CTNND2: variants seen among roughly 807,000 people sequenced by gnomAD.
CTNND2 encodes the protein catenin delta-2.
In CTNND2, 22 loss-of-function variants were observed where a neutral mutation model predicts 144.4. The ratio of observed to expected loss-of-function variants is 0.15; its 90% CI spans 0.11 to 0.22. The LOEUF (loss-of-function observed/expected upper bound fraction) is 0.22. Ranked by LOEUF, CTNND2 falls within the 10% of genes least tolerant of loss-of-function variation. The pLI is 1.00. For synonymous variants in CTNND2, 751 were observed against 695.6 expected (o/e 1.08, Z -1.25); for missense variants, 1,353 against 1,618.8 (o/e 0.84, Z 2.82).
intron 16 of CTNND2, among the ~76,000 whole-genome samples, chr5:11,066,020 C>G (rs1399372750): frequency 6.7e-6 from 1 of 149,950 alleles, no homozygotes; most frequent in East Asian, 2.0e-4. Flanking sequence ...TTCAAAAGAA[C>G]CTTGGTCTCC....
intron 7 of CTNND2, among the ~76,000 whole-genome samples, chr5:11,379,290 C>A (rs573018015): frequency 9.9e-5 from 15 of 152,252 alleles, no homozygotes; most frequent in Admixed American, 4.6e-4. Context: ...TGCATTTCTA[C>A]ATCCTTCGTG....
At chr5:11,062,403 A>C (rs1747097025) in intron 16 of CTNND2, among the ~76,000 whole-genome samples, 1 of 152,212 alleles carries the variant, frequency 6.6e-6, no homozygotes, top group Non-Finnish European at 1.5e-5. Context: ...ATCTAGCATA[A>C]AATTCTCACT....
chr5:11,323,303 G>T (rs1206512493), intron 9 of CTNND2, among the ~76,000 whole-genome samples: 1 of 151,304 alleles, frequency 6.6e-6, no homozygotes, highest in African/African-American at 2.4e-5. Flanking sequence ...TCCTGCCTTA[G>T]CCTCCTGAGT....
chr5:11,483,235 A>G (rs1768453886), intron 3 of CTNND2, among the ~76,000 whole-genome samples: 1 of 152,104 alleles, frequency 6.6e-6, no homozygotes, highest in African/African-American at 2.4e-5. Flanking sequence ...CAAAGATAAT[A>G]CCTGATTTTC....
chr5:11,567,915 A>G (rs927664352), intron 2 of CTNND2, among the ~76,000 whole-genome samples: 2 of 152,214 alleles, frequency 1.3e-5, no homozygotes, highest in Non-Finnish European at 2.9e-5. Context: ...GTATTCCTAT[A>G]ATTGTCTTCA....
intron 2 of CTNND2, among the ~76,000 whole-genome samples, chr5:11,611,795 AG>A (rs1780341657): frequency 6.6e-6 from 1 of 152,100 alleles, no homozygotes; most frequent in South Asian, 2.1e-4. Flanking sequence ...AAAAAATAAA[AG>A]TTTTTTCTTG....
chr5:11,315,723 T>C (rs187893839), intron 9 of CTNND2, among the ~76,000 whole-genome samples: 205 of 152,360 alleles, frequency 1.3e-3, no homozygotes, highest in African/African-American at 4.6e-3. Flanking sequence ...TTTCAGTGTT[T>C]CATTTCAGTG....
At chr5:11,764,662 G>A (rs1182267213) in intron 1 of CTNND2, among the ~76,000 whole-genome samples, 1 of 152,068 alleles carries the variant, frequency 6.6e-6, no homozygotes, top group African/African-American at 2.4e-5. Context: ...GCAAATCAGT[G>A]GTTTCTTCAA....
intron 2 of CTNND2, among the ~76,000 whole-genome samples, chr5:11,606,055 C>T (rs570757741): frequency 2.4e-4 from 36 of 152,022 alleles, no homozygotes; most frequent in African/African-American, 8.0e-4. Flanking sequence ...AGGCAAGAGA[C>T]GAGACAGAAT....
intron 2 of CTNND2, among the ~76,000 whole-genome samples, chr5:11,680,296 C>T (rs1157651751): frequency 1.3e-5 from 2 of 152,140 alleles, no homozygotes; most frequent in African/African-American, 4.8e-5. Flanking sequence ...ATCCCTAGAG[C>T]AGTGGTTTCC....
chr5:11,141,686 T>G (rs1454946733), intron 12 of CTNND2, among the ~76,000 whole-genome samples: 1 of 152,244 alleles, frequency 6.6e-6, no homozygotes, highest in Non-Finnish European at 1.5e-5. Flanking sequence ...CAGCTGTGTC[T>G]GCACTCAGGA....
chr5:11,245,947 T>C (rs1014959975), intron 9 of CTNND2, among the ~76,000 whole-genome samples: 4 of 152,186 alleles, frequency 2.6e-5, no homozygotes, highest in African/African-American at 9.7e-5. Context: ...CATCTAAGAG[T>C]TGGAAATGCA....
intron 8 of CTNND2, among the ~76,000 whole-genome samples, chr5:11,348,437 C>CAAAAAAAAAAAAAAA (rs3034056): frequency 9.6e-5 from 11 of 114,714 alleles, no homozygotes; most frequent in Non-Finnish European, 1.4e-4. Flanking sequence ...AAATCAAGGG[C>CAAAAAAAAAAAAAAA]AAAAAAAAAA....
intron 2 of CTNND2, among the ~76,000 whole-genome samples, chr5:11,662,197 GTATATATGTA>G (rs1175483166): frequency 5.4e-5 from 7 of 130,096 alleles, no homozygotes; most frequent in East Asian, 2.1e-4. Flanking sequence ...GTATATATGT[GTATATATGTA>G]TATATATACA....
At chr5:11,369,234 A>G (rs1205087531) in intron 7 of CTNND2, among the ~76,000 whole-genome samples, 5 of 152,252 alleles carry the variant, frequency 3.3e-5, no homozygotes, top group Non-Finnish European at 7.3e-5. Context: ...AAACACTGAA[A>G]TGACCACAAA....
chr5:11,346,239 C>A (rs886823942), intron 9 of CTNND2, 133 bp downstream of exon 9: 2 of 853,490 alleles, frequency 2.3e-6, no homozygotes, highest in African/African-American at 1.7e-5. Context: ...CCAAGTCAAA[C>A]AAAAGAAAAC....
At chr5:11,735,165 T>A (rs576241361) in intron 1 of CTNND2, among the ~76,000 whole-genome samples, 2 of 152,222 alleles carry the variant, frequency 1.3e-5, no homozygotes, top group African/African-American at 4.8e-5. Flanking sequence ...TTGAAGGTGA[T>A]GAATACCAAC....
intron 3 of CTNND2, among the ~76,000 whole-genome samples, chr5:11,504,842 G>A (rs1399167654): frequency 1.3e-5 from 2 of 152,130 alleles, no homozygotes; most frequent in Non-Finnish European, 2.9e-5. Flanking sequence ...TTTAGAGTGT[G>A]ACAGTGACCC....
chr5:11,463,861 A>AG (rs5865944), intron 3 of CTNND2, among the ~76,000 whole-genome samples: 1 of 152,096 alleles, frequency 6.6e-6, no homozygotes, highest in African/African-American at 2.4e-5. Context: ...TTACAAAAAA[A>AG]AAAAAAGATT....
Sources: allele counts gnomAD v4.1 joint callset (sites outside exome capture counted in the v4.1 genomes callset), GRCh38; gene constraint gnomAD v4.1.1; transcripts MANE v1.5; gene names NCBI Gene and HGNC (gene_info 2026-07-23, HGNC 2026-07-21).